Variants in ABCC4 observed in about 807,000 individuals in gnomAD.
ABCC4 encodes the protein ATP-binding cassette sub-family C member 4.
ABCC4 carries 102 observed loss-of-function variants against 168.5 expected under a neutral mutation model. The observed-to-expected ratio is 0.61, with a 90% CI of 0.52 to 0.71. The LOEUF (loss-of-function observed/expected upper bound fraction) is 0.71. Among genes scored for constraint, ABCC4 ranks in the 30% least tolerant of loss-of-function variants. ABCC4 has a pLI of 0.00. For synonymous variants in ABCC4, 617 were observed against 590.7 expected (o/e 1.04, Z -0.65); for missense variants, 1,402 against 1,605.8 (o/e 0.87, Z 2.17).
At chr13:95,284,142 GGTTTTTT>G (rs1334093127) in intron 1 of ABCC4, among the ~76,000 whole-genome samples, 7 of 152,164 alleles carry the variant, frequency 4.6e-5, no homozygotes, top group African/African-American at 9.7e-5. Context: ...CTGGGAGGCA[GGTTTTTT>G]GTTTTTTGTT....
At chr13:95,157,529 G>A (rs147094169) in intron 19 of ABCC4, among the ~76,000 whole-genome samples, 1 of 149,350 alleles carries the variant, frequency 6.7e-6, no homozygotes, top group Non-Finnish European at 1.5e-5. Flanking sequence ...AAGGAGAAAA[G>A]AAAGGAAGGA....
chr13:95,045,640 G>T (rs2032545585), intron 27 of ABCC4, among the ~76,000 whole-genome samples: 1 of 152,102 alleles, frequency 6.6e-6, no homozygotes, highest in African/African-American at 2.4e-5. Context: ...TACTACATTG[G>T]GTGGTGGTTC....
rs547278646 is a variant in ABCC4, at chr13:95,188,709, T to C, written c.1264-167A>G. Among the ~76,000 whole-genome samples the C allele has an allele frequency of 2.0e-5, 3 of 152,250 alleles. No individual in the cohort carries two copies. In the East Asian group the frequency reaches 5.8e-4, roughly 29 times the overall value. ...CTAGAGTCCTTTTCATACAATCATA[T>C]TTTTTTGGTGGGGTTTTACACAGTT... On this transcript the variant is annotated intron_variant, in intron 9 of 30. Coordinates refer to ENST00000645237, the MANE Select transcript of ABCC4 (RefSeq NM_005845.5).
Position 95,172,310 on chromosome 13 carries a change from G to C in ABCC4, c.1728-1682C>G, listed in dbSNP as rs77119614. Among the ~76,000 whole-genome samples the C allele has an allele frequency of 5.3e-5, 8 of 152,290 alleles. No individual in the cohort carries two copies. The East Asian group carries it at 1.3e-3, about 26-fold the overall frequency. On this transcript the variant is annotated intron_variant, in intron 13 of 30. Transcript: ENST00000645237. ...AAGACTACATTAAGAGGCCAGCCAC[G>C]GGGGCTCACGCCTATAATTCCAGCA...
intron 26 of ABCC4, among the ~76,000 whole-genome samples, chr13:95,061,753 G>A (rs969273935): frequency 6.6e-6 from 1 of 151,950 alleles, no homozygotes; most frequent in Non-Finnish European, 1.5e-5. Context: ...GTGTTAAAGT[G>A]AAGGACAGGA....
chr13:95,208,335 C>CA (rs757937530), intron 6 of ABCC4, among the ~76,000 whole-genome samples: 9,181 of 75,586 alleles, frequency 0.12, 498 homozygotes, highest in African/African-American at 0.27. Flanking sequence ...AAGAGGAGAG[C>CA]AAAAAAAAAA....
intron 4 of ABCC4, among the ~76,000 whole-genome samples, chr13:95,227,750 C>T (rs769375414): frequency 6.6e-6 from 1 of 152,140 alleles, no homozygotes; most frequent in Non-Finnish European, 1.5e-5. Context: ...GTTCTGTCAC[C>T]CACGCTGGAG....
intron 26 of ABCC4, among the ~76,000 whole-genome samples, chr13:95,055,246 G>A (rs2033010657): frequency 6.6e-6 from 1 of 152,266 alleles, no homozygotes; most frequent in Non-Finnish European, 1.5e-5. Context: ...ATAAAAACTT[G>A]ACTTACTCTT....
intron 26 of ABCC4, among the ~76,000 whole-genome samples, chr13:95,054,426 T>C (rs948120907): frequency 1.3e-5 from 2 of 151,880 alleles, no homozygotes; most frequent in Non-Finnish European, 2.9e-5. Flanking sequence ...CGGGCACCTG[T>C]AGTCCCAGCT....
chr13:95,040,517 T>C (rs868283797), intron 29 of ABCC4, among the ~76,000 whole-genome samples: 8 of 152,214 alleles, frequency 5.3e-5, no homozygotes, highest in East Asian at 1.9e-4. Context: ...ATTACAGGCA[T>C]GAGCCACCGC....
intron 21 of ABCC4, among the ~76,000 whole-genome samples, chr13:95,077,214 T>A (rs1318497756): frequency 6.6e-6 from 1 of 152,238 alleles, no homozygotes; most frequent in Non-Finnish European, 1.5e-5. Context: ...TCTTTAGCAT[T>A]CTTTTCTGAG....
intron 30 of ABCC4, among the ~76,000 whole-genome samples, chr13:95,029,213 TAGAGAGAGAGAG>T (rs1193218745): frequency 1.9e-4 from 7 of 36,876 alleles, no homozygotes; most frequent in African/African-American, 6.1e-4. Context: ...TATATATATA[TAGAGAGAGAGAG>T]AGAGAGAGAG....
rs533346396 is a variant in ABCC4 at position 95,119,965 on chromosome 13, C to T, written c.2456-3964G>A. ...TCCCTATGCCCACCCCAGCCTCAAG[C>T]AACTACTTTCTGCCTCTTTGCTTTT... On this transcript the variant is annotated intron_variant, in intron 19 of 30. Transcript: ENST00000645237. Among the ~76,000 whole-genome samples the T allele has an allele frequency of 3.9e-5, 6 of 152,318 alleles. 1 individual carries two copies. In the South Asian group the frequency reaches 1.2e-3, roughly 32 times the overall value.
chr13:95,107,412 C>G (rs559116721), intron 20 of ABCC4, among the ~76,000 whole-genome samples: 1 of 152,174 alleles, frequency 6.6e-6, no homozygotes, highest in African/African-American at 2.4e-5. Flanking sequence ...CTTTAGTATA[C>G]TTATGTAACT....
At chr13:95,075,645 C>A in intron 21 of ABCC4, 94 bp from the exon 22 acceptor site, 1 of 1,529,146 alleles carries the variant, frequency 6.5e-7, no homozygotes, top group African/African-American at 1.4e-5. Context: ...CACCAAACAG[C>A]ACACGCAGGC....
chr13:95,151,859 CTA>C (rs1235818860), intron 19 of ABCC4, among the ~76,000 whole-genome samples: 1 of 152,194 alleles, frequency 6.6e-6, no homozygotes, highest in Non-Finnish European at 1.5e-5. Context: ...TTACCACAAA[CTA>C]TGATCCTAGC....
At chr13:95,197,072 C>T (rs1166705744) in intron 8 of ABCC4, among the ~76,000 whole-genome samples, 1 of 152,144 alleles carries the variant, frequency 6.6e-6, no homozygotes, top group Admixed American at 6.5e-5. Flanking sequence ...CTCAGGGTGG[C>T]TGCAGCTGGG....
chr13:95,265,689 G>A (rs2138864010), intron 1 of ABCC4, among the ~76,000 whole-genome samples: 1 of 152,260 alleles, frequency 6.6e-6, no homozygotes, highest in Non-Finnish European at 1.5e-5. Context: ...ACAGAACTCA[G>A]AGGACACAGT....
chr13:95,047,875 A>T (rs912679797), intron 27 of ABCC4, among the ~76,000 whole-genome samples: 1 of 152,172 alleles, frequency 6.6e-6, no homozygotes, highest in Non-Finnish European at 1.5e-5. Context: ...TATATTACAT[A>T]TGCATTTTCT....
Sources: allele counts gnomAD v4.1 joint callset (sites outside exome capture counted in the v4.1 genomes callset), GRCh38; gene constraint gnomAD v4.1.1; transcripts MANE v1.5; gene names NCBI Gene and HGNC (gene_info 2026-07-23, HGNC 2026-07-21).